The following THEMIS variants were observed in gnomAD, a reference collection of about 807,000 sequenced individuals.
THEMIS encodes the protein protein THEMIS.
Under a neutral mutation model 52.6 loss-of-function variants are expected in THEMIS, and 37 were observed. The observed-to-expected ratio is 0.70, with a 90% confidence interval of 0.54 to 0.93. THEMIS has a LOEUF of 0.93. THEMIS is among the 40% of genes least tolerant of loss of function. THEMIS has a pLI of 0.00. For synonymous variants in THEMIS, 292 were observed against 272.7 expected (o/e 1.07, Z -0.70); for missense variants, 808 against 763.1 (o/e 1.06, Z -0.69).
intron 1 of THEMIS, among the ~76,000 whole-genome samples, chr6:127,882,010 A>AAAAT (rs1352338791): frequency 6.6e-6 from 1 of 151,636 alleles, no homozygotes; most frequent in Non-Finnish European, 1.5e-5. Context: ...AAAAAAAAAA[A>AAAAT]AAATGGTCTC....
chr6:127,757,828 T>C (rs1002545033), intron 4 of THEMIS, among the ~76,000 whole-genome samples: 1 of 152,100 alleles, frequency 6.6e-6, no homozygotes, highest in African/African-American at 2.4e-5. Flanking sequence ...TAGACAAGTC[T>C]AATATCAGTA....
At chr6:127,770,630 C>T (rs1197438134) in intron 4 of THEMIS, among the ~76,000 whole-genome samples, 1 of 152,084 alleles carries the variant, frequency 6.6e-6, no homozygotes, top group Non-Finnish European at 1.5e-5. Flanking sequence ...TTAATTAGAT[C>T]CCATTTGTCA....
At chr6:127,839,482 A>G (rs1340758596) in intron 2 of THEMIS, among the ~76,000 whole-genome samples, 2 of 152,036 alleles carry the variant, frequency 1.3e-5, no homozygotes, top group Non-Finnish European at 2.9e-5. Context: ...ACTATTTGCA[A>G]ATAATGATTA....
At chr6:127,799,410 C>T (rs1357245188) in intron 4 of THEMIS, among the ~76,000 whole-genome samples, 1 of 151,972 alleles carries the variant, frequency 6.6e-6, no homozygotes, top group Non-Finnish European at 1.5e-5. Flanking sequence ...CAAATGCAAA[C>T]AGGAATAAAA....
intron 4 of THEMIS, among the ~76,000 whole-genome samples, chr6:127,769,029 C>T (rs1027733300): frequency 2.8e-4 from 43 of 152,278 alleles, no homozygotes; most frequent in African/African-American, 8.9e-4. Flanking sequence ...ATGTTCATTT[C>T]GTATTTACTT....
chr6:127,696,708 T>C, the THEMIS span, among the ~76,000 whole-genome samples: 1 of 152,178 alleles, frequency 6.6e-6, no homozygotes, highest in African/African-American at 2.4e-5. Context: ...AGCAGAGTTT[T>C]GTGATTTGTT....
chr6:127,858,360 G>A (rs780653584), intron 1 of THEMIS, among the ~76,000 whole-genome samples: 7 of 151,838 alleles, frequency 4.6e-5, no homozygotes, highest in Non-Finnish European at 8.8e-5. Context: ...TTAATATTTC[G>A]TGACTTCCAA....
chr6:127,881,184 T>C (rs751544281), intron 1 of THEMIS, among the ~76,000 whole-genome samples: 1 of 152,104 alleles, frequency 6.6e-6, no homozygotes, highest in Non-Finnish European at 1.5e-5. Flanking sequence ...TATCATAATA[T>C]ACAAAACCAT....
chr6:127,729,340 A>T (rs1774673996), intron 4 of THEMIS, among the ~76,000 whole-genome samples: 1 of 152,068 alleles, frequency 6.6e-6, no homozygotes, highest in Non-Finnish European at 1.5e-5. Context: ...TTTTCCAAGG[A>T]TCTCTGCTTC....
rs184224289 is a variant in THEMIS, at chr6:127,850,585, G to A, written c.250+4445C>T. On this transcript the variant is annotated intron_variant, in intron 2 of 5. Transcript: ENST00000368248. ...AAGAAATGAAATAATGTCTTTTGCA[G>A]CAACTTGGATGGAGTTGGATGCAAT... Among the ~76,000 whole-genome samples the A allele has an allele frequency of 1.6e-4, 24 of 152,036 alleles. No homozygotes were observed. The East Asian group carries it at 4.5e-3, about 28-fold the overall frequency.
chr6:127,882,959 A>G (rs1161588368), intron 1 of THEMIS, among the ~76,000 whole-genome samples: 1 of 151,994 alleles, frequency 6.6e-6, no homozygotes, highest in Admixed American at 6.6e-5. Flanking sequence ...CATCAGATCC[A>G]TAAGAGTCAT....
At chr6:127,802,251 T>C (rs1457794533) in intron 4 of THEMIS, among the ~76,000 whole-genome samples, 1 of 152,130 alleles carries the variant, frequency 6.6e-6, no homozygotes, top group Non-Finnish European at 1.5e-5. Flanking sequence ...CCAGAAGATA[T>C]ACCCTTGACC....
intron 1 of THEMIS, among the ~76,000 whole-genome samples, chr6:127,873,569 A>G (rs1780220827): frequency 6.6e-6 from 1 of 152,228 alleles, no homozygotes; most frequent in Non-Finnish European, 1.5e-5. Context: ...ACAACAAAGT[A>G]CTGGAAAAAT....
intron 4 of THEMIS, among the ~76,000 whole-genome samples, chr6:127,791,797 T>C (rs1013181548): frequency 5.9e-5 from 9 of 152,104 alleles, no homozygotes; most frequent in South Asian, 2.1e-4. Flanking sequence ...GCTGAGGTGA[T>C]AGGGGGCTGG....
In THEMIS at chr6:127,795,549, C is replaced by T. The variant is rs576265351; in HGVS notation, c.1758+17334G>A. Among the ~76,000 whole-genome samples, 78 of 152,198 alleles carry T rather than the reference C, an allele frequency of 5.1e-4. 2 individuals carry two copies. Among genetic ancestry groups the T allele is most frequent in the East Asian group, 3.9e-4 (2 of 5,164 alleles). ...TTCACCTTGTTAGCCAGGACGGTCT[C>T]GATCTCCTGACCTCGTGATCTGCCC... On this transcript the variant is annotated intron_variant, in intron 4 of 5. Transcript: ENST00000368248.
intron 1 of THEMIS, among the ~76,000 whole-genome samples, chr6:127,907,311 C>A (rs1323535630): frequency 8.0e-6 from 1 of 125,700 alleles, no homozygotes; most frequent in African/African-American, 2.9e-5. Flanking sequence ...GGGAATCATA[C>A]AATACCATTA....
chr6:127,892,088 C>T (rs1780830342), intron 1 of THEMIS, among the ~76,000 whole-genome samples: 1 of 152,114 alleles, frequency 6.6e-6, no homozygotes, highest in Non-Finnish European at 1.5e-5. Context: ...TACGGGTTTC[C>T]CAGCCCCACT....
At position 127,816,900 on chromosome 6, in the gene THEMIS, C is replaced by T. The variant is rs185307501; in HGVS notation, c.710-2969G>A. On this transcript the variant is annotated intron_variant, in intron 3 of 5. Transcript: ENST00000368248. ...GTCAGATCTTTGCACAGCCTGTTTC[C>T]TCTGCCTGTTACATACTTCAGCCAG... is the stretch of plus-strand genomic sequence containing the variant. Among the ~76,000 whole-genome samples the T allele has an allele frequency of 1.7e-3, 260 of 152,266 alleles. 3 individuals are homozygous for T. The highest frequency in any genetic ancestry group is 0.016 in the Admixed American group (241 of 15,286).
At chr6:127,817,109 G>A (rs1242613138) in intron 3 of THEMIS, among the ~76,000 whole-genome samples, 2 of 151,896 alleles carry the variant, frequency 1.3e-5, no homozygotes, top group Non-Finnish European at 2.9e-5. Flanking sequence ...TTTATATTAT[G>A]AACATTTTCT....
Sources: allele counts gnomAD v4.1 joint callset (sites outside exome capture counted in the v4.1 genomes callset), GRCh38; gene constraint gnomAD v4.1.1; transcripts MANE v1.5; gene names NCBI Gene and HGNC (gene_info 2026-07-23, HGNC 2026-07-21).